LRCH3: variants seen among roughly 807,000 people sequenced by gnomAD.
The protein encoded by LRCH3 is DISP complex protein LRCH3.
LRCH3 carries 68 observed loss-of-function variants against 104.5 expected under a neutral mutation model. That is an observed-to-expected ratio of 0.65 (90% CI 0.54 to 0.80). The LOEUF (loss-of-function observed/expected upper bound fraction) is 0.80, where lower values mean the gene tolerates loss of function less well. LRCH3 is among the 30% of genes least tolerant of loss of function. LRCH3 has a pLI of 0.00. For synonymous variants in LRCH3, 344 were observed against 361.3 expected (o/e 0.95, Z 0.54); for missense variants, 951 against 953.9 (o/e 1.00, Z 0.04).
chr3:197,874,059 A>G (rs1385224614), intron 19 of LRCH3, among the ~76,000 whole-genome samples: 1 of 151,372 alleles, frequency 6.6e-6, no homozygotes, highest in East Asian at 1.9e-4. Context: ...AAGGAAATGA[A>G]TCAAGTGTTG....
chr3:197,824,677 A>G (rs1039567444), intron 4 of LRCH3, among the ~76,000 whole-genome samples: 4 of 147,812 alleles, frequency 2.7e-5, no homozygotes, highest in Non-Finnish European at 5.9e-5. Context: ...GGTTCAAGTG[A>G]TTCTCTGCCT....
At chr3:197,822,211 T>C (rs985373965) in intron 4 of LRCH3, among the ~76,000 whole-genome samples, 1 of 152,186 alleles carries the variant, frequency 6.6e-6, no homozygotes, top group Admixed American at 6.6e-5. Context: ...TTCACACTTT[T>C]TATCCTCAGG....
At chr3:197,803,000 T>C (rs1414735198) in intron 1 of LRCH3, among the ~76,000 whole-genome samples, 1 of 152,178 alleles carries the variant, frequency 6.6e-6, no homozygotes, top group Non-Finnish European at 1.5e-5. Context: ...TCAGAACTTT[T>C]AAAATTGGTG....
intron 1 of LRCH3, among the ~76,000 whole-genome samples, chr3:197,793,161 T>A (rs964041440): frequency 3.3e-5 from 5 of 152,214 alleles, no homozygotes; most frequent in African/African-American, 1.2e-4. Context: ...CATTAAAAAT[T>A]TATAAGTATT....
intron 10 of LRCH3, among the ~76,000 whole-genome samples, chr3:197,844,979 T>A (rs193154922): frequency 6.6e-6 from 1 of 152,156 alleles, no homozygotes. Context: ...TTTGGGGATG[T>A]CAAGATCATT....
chr3:197,827,714 A>G (rs1296678226), intron 5 of LRCH3, among the ~76,000 whole-genome samples: 1 of 152,052 alleles, frequency 6.6e-6, no homozygotes, highest in African/African-American at 2.4e-5. Flanking sequence ...TTAATTTCTT[A>G]ATTTTTTCTT....
intron 2 of LRCH3, 34 bp downstream of exon 2, chr3:197,815,086 G>A (rs374008843): frequency 1.5e-6 from 2 of 1,307,718 alleles, no homozygotes; most frequent in African/African-American, 3.1e-5. Flanking sequence ...TAAATTTTTG[G>A]TTTTATGTGA....
chr3:197,812,598 C>A (rs1560531125), intron 1 of LRCH3, among the ~76,000 whole-genome samples: 1 of 144,306 alleles, frequency 6.9e-6, no homozygotes, highest in African/African-American at 2.6e-5. Context: ...TGCAACCAAG[C>A]TGGATCATAT....
At position 197,791,557 on chromosome 3, in the gene LRCH3, G is replaced by T; in HGVS notation, c.262+17G>T. On this transcript the variant is annotated intron_variant, in intron 1 of 20. Transcript: ENST00000425562. Reference sequence around the variant, plus strand: ...CCCGGGCGGGTGAGCGGGGCGGGGGGCGTCTCTGCCCGTCGGAGACCCGGC... The same window carrying T: ...CCCGGGCGGGTGAGCGGGGCGGGGGTCGTCTCTGCCCGTCGGAGACCCGGC... 1 of 1,542,078 alleles carries T rather than the reference G, an allele frequency of 6.5e-7. No individual in the cohort carries two copies. Among genetic ancestry groups the T allele is most frequent in the Non-Finnish European group, 8.7e-7 (1 of 1,151,468 alleles).
intron 15 of LRCH3, among the ~76,000 whole-genome samples, chr3:197,861,560 G>C (rs1047070521): frequency 5.3e-5 from 8 of 152,036 alleles, no homozygotes; most frequent in African/African-American, 1.5e-4. Flanking sequence ...AGATAGATAA[G>C]TCTTTTTTTT....
chr3:197,860,863 C>G (rs1349617985), intron 15 of LRCH3, among the ~76,000 whole-genome samples: 2 of 151,864 alleles, frequency 1.3e-5, no homozygotes, highest in African/African-American at 4.8e-5. Context: ...TTTTTGGACC[C>G]ATTAACTGTC....
At chr3:197,868,220 CAA>C (rs1443375156) in intron 17 of LRCH3, among the ~76,000 whole-genome samples, 3 of 151,976 alleles carry the variant, frequency 2.0e-5, no homozygotes, top group Admixed American at 6.6e-5. Flanking sequence ...TCTTCAGAAA[CAA>C]GACAACGATA....
chr3:197,799,084 C>T (rs1398478012), intron 1 of LRCH3, among the ~76,000 whole-genome samples: 1 of 152,114 alleles, frequency 6.6e-6, no homozygotes, highest in Non-Finnish European at 1.5e-5. Context: ...AGAAGATGAA[C>T]CATAGAGGAC....
At chr3:197,832,353 A>G (rs2109291396) in intron 8 of LRCH3, 36 bp downstream of exon 8, 1 of 1,597,084 alleles carries the variant, frequency 6.3e-7, no homozygotes, top group Non-Finnish European at 8.6e-7. Flanking sequence ...AAGTGTTTGC[A>G]ACCATTTAAC....
rs1733039426 is a variant in LRCH3 at position 197,810,833 on chromosome 3, A to G, written c.263-4075A>G. On this transcript the variant is annotated intron_variant, in intron 1 of 20. Transcript: ENST00000425562. This position sits in a 1 kb window ranked among gnomAD's most constrained non-coding sequence, Gnocchi z 4.0. ...ATATAAATATACTATTTTGATAAAA[A>G]TAAAAGTTAACAGTTTTTAAAAGAT... Among the ~76,000 whole-genome samples, 1 of 152,218 alleles carries G rather than the reference A, an allele frequency of 6.6e-6. No individual in the cohort carries two copies. The highest frequency in any genetic ancestry group is 2.1e-4 in the South Asian group (1 of 4,834).
rs184944715 is a variant in LRCH3, at chr3:197,810,719, T to C, written c.263-4189T>C. Among the ~76,000 whole-genome samples, 3 of 152,204 alleles carry C rather than the reference T, an allele frequency of 2.0e-5. No individual in the cohort carries two copies. ...GAGTATACACATTTAATTTTTTAAA[T>C]TATTGTGGAGAAAAAAAACAGAAAA... is the stretch of plus-strand genomic sequence containing the variant. On this transcript the variant is annotated intron_variant, in intron 1 of 20. Transcript: ENST00000425562. The surrounding 1 kb of genome is among the most constrained non-coding windows in gnomAD (Gnocchi z 4.0).
chr3:197,804,120 G>T (rs575309142), intron 1 of LRCH3, among the ~76,000 whole-genome samples: 90 of 152,196 alleles, frequency 5.9e-4, no homozygotes, highest in Middle Eastern at 6.8e-3. Flanking sequence ...TTAGCCAGGC[G>T]TGGTGGCGTG....
Position 197,852,545 on chromosome 3 carries a change from T to G in LRCH3, c.1531-16T>G, listed in dbSNP as rs767979929. 6.8e-6 allele frequency: 11 copies of G among 1,612,622 alleles called. No homozygotes were observed. Among genetic ancestry groups the G allele is most frequent in the Middle Eastern group, 1.7e-4 (1 of 6,052 alleles). On this transcript the variant is annotated splice_polypyrimidine_tract_variant and intron_variant, in intron 12 of 20. Coordinates refer to ENST00000425562, the MANE Select transcript of LRCH3 (RefSeq NM_001365715.1). The stretch of plus-strand genomic sequence containing the variant: ...CTAACCAACTTCCTTTTTTGGGGGG[T>G]TTTGGGATTATACAGCAAAAAGCAT...
At chr3:197,866,307 A>G in intron 17 of LRCH3, 88 bp downstream of exon 17, 1 of 894,262 alleles carries the variant, frequency 1.1e-6, no homozygotes, top group Non-Finnish European at 1.9e-6. Flanking sequence ...AAACTTCTGC[A>G]TATAGTATAA....
Sources: allele counts gnomAD v4.1 joint callset (sites outside exome capture counted in the v4.1 genomes callset), GRCh38; gene constraint gnomAD v4.1.1; non-coding constraint Gnocchi (gnomAD v3.1); transcripts MANE v1.5; gene names NCBI Gene and HGNC (gene_info 2026-07-23, HGNC 2026-07-21).